MEMO1: variants seen among roughly 807,000 people sequenced by gnomAD.
MEMO1 encodes mediator of cell motility 1.
A neutral mutation model predicts 45.2 loss-of-function variants in MEMO1; 6 were observed. That is an observed-to-expected ratio of 0.13 (90% CI 0.07 to 0.26). The LOEUF is 0.26. MEMO1 is among the 10% of genes least tolerant of loss of function. The probability of loss-of-function intolerance (pLI) is 1.00; values close to 1 mark genes in which losing one functional copy is unlikely to be tolerated. For synonymous variants in MEMO1, 78 were observed against 124.3 expected (o/e 0.63, Z 2.48); for missense variants, 184 against 370.5 (o/e 0.50, Z 4.13).
chr2:31,967,682 G>A (rs1349532690), intron 2 of MEMO1, among the ~76,000 whole-genome samples: 2 of 151,942 alleles, frequency 1.3e-5, no homozygotes, highest in Non-Finnish European at 2.9e-5. Context: ...GGGCTCAAGT[G>A]ATCCATCCAG....
chr2:31,994,181 G>C (rs1440138059), intron 2 of MEMO1, among the ~76,000 whole-genome samples: 1 of 148,942 alleles, frequency 6.7e-6, no homozygotes, highest in African/African-American at 2.5e-5. Context: ...GGCTGGTCTC[G>C]AACTCCCAAC....
intron 2 of MEMO1, among the ~76,000 whole-genome samples, chr2:31,999,494 C>T (rs540096299): frequency 6.6e-6 from 1 of 152,148 alleles, no homozygotes; most frequent in Admixed American, 6.5e-5. Flanking sequence ...GAGACCCGCC[C>T]CCCCATCTCT....
chr2:32,004,071 C>G (rs1468823538), intron 2 of MEMO1, among the ~76,000 whole-genome samples: 2 of 152,134 alleles, frequency 1.3e-5, no homozygotes, highest in Non-Finnish European at 2.9e-5. Flanking sequence ...TATAATCCTA[C>G]TCAGGAAGCT....
chr2:31,890,127 T>A (rs530242098), intron 7 of MEMO1, among the ~76,000 whole-genome samples: 2 of 152,254 alleles, frequency 1.3e-5, no homozygotes, highest in South Asian at 4.1e-4. Flanking sequence ...TCTTTATTAA[T>A]GAGGTAAAAA....
chr2:31,914,949 C>T (rs1359317168), intron 6 of MEMO1, among the ~76,000 whole-genome samples: 1 of 142,814 alleles, frequency 7.0e-6, no homozygotes, highest in Non-Finnish European at 1.5e-5. Flanking sequence ...AGAATGAGAC[C>T]CTGTCTCTTT....
intron 2 of MEMO1, among the ~76,000 whole-genome samples, chr2:31,950,599 T>C (rs987165509): frequency 6.6e-6 from 1 of 151,284 alleles, no homozygotes; most frequent in African/African-American, 2.4e-5. Flanking sequence ...GGCGCACACC[T>C]GTAATCCCAG....
intron 2 of MEMO1, among the ~76,000 whole-genome samples, chr2:31,979,637 T>A (rs572228096): frequency 8.5e-5 from 13 of 152,308 alleles, no homozygotes; most frequent in Admixed American, 5.2e-4. Context: ...GCAAATGTTA[T>A]GTAATTTTAA....
intron 4 of MEMO1, among the ~76,000 whole-genome samples, chr2:31,926,343 C>A (rs1444272313): frequency 1.4e-5 from 2 of 143,540 alleles, no homozygotes; most frequent in East Asian, 4.1e-4. Flanking sequence ...TGACTCCAGA[C>A]TGGGTGACAG....
At chr2:32,003,528 A>G (rs1041364937) in intron 2 of MEMO1, among the ~76,000 whole-genome samples, 1 of 152,220 alleles carries the variant, frequency 6.6e-6, no homozygotes, top group Non-Finnish European at 1.5e-5. Context: ...TTTTCAATAT[A>G]TGTTTACTTC....
intron 2 of MEMO1, among the ~76,000 whole-genome samples, chr2:31,953,540 C>T (rs1041217444): frequency 6.6e-6 from 1 of 151,532 alleles, no homozygotes; most frequent in African/African-American, 2.4e-5. Context: ...ACTGCAACCT[C>T]CGCCTCCCGG....
chr2:31,980,351 T>C (rs1256480514), intron 2 of MEMO1, among the ~76,000 whole-genome samples: 3 of 152,166 alleles, frequency 2.0e-5, no homozygotes, highest in Non-Finnish European at 4.4e-5. Context: ...GAGGACTGCT[T>C]GAACCCAGGA....
At chr2:31,991,569 C>G (rs1238807834) in intron 2 of MEMO1, among the ~76,000 whole-genome samples, 1 of 17,496 alleles carries the variant, frequency 5.7e-5, no homozygotes, top group Non-Finnish European at 1.3e-4. Flanking sequence ...AAAACTCCGA[C>G]TCAAAAAAAA....
intron 2 of MEMO1, among the ~76,000 whole-genome samples, chr2:31,953,352 G>A (rs1457052155): frequency 5.3e-5 from 7 of 132,998 alleles, no homozygotes; most frequent in African/African-American, 2.0e-4. Context: ...GGGTGATAGA[G>A]TGAAACTCCG....
intron 2 of MEMO1, among the ~76,000 whole-genome samples, chr2:31,990,410 T>C (rs906849199): frequency 7.9e-5 from 12 of 152,114 alleles, no homozygotes; most frequent in African/African-American, 2.7e-4. Flanking sequence ...TAACAGTAAA[T>C]AACTTTGGTT....
chr2:31,885,590 C>A (rs1052628461), intron 7 of MEMO1, among the ~76,000 whole-genome samples: 11 of 152,134 alleles, frequency 7.2e-5, no homozygotes, highest in Non-Finnish European at 1.2e-4. Flanking sequence ...AAATGAACAC[C>A]TTAGACAAGA....
intron 2 of MEMO1, among the ~76,000 whole-genome samples, chr2:31,974,228 T>G (rs2148473476): frequency 6.6e-6 from 1 of 152,280 alleles, no homozygotes; most frequent in South Asian, 2.1e-4. Context: ...ATCAACAAAG[T>G]TAAATCAATT....
intron 2 of MEMO1, among the ~76,000 whole-genome samples, chr2:31,951,522 T>C (rs1216371506): frequency 9.9e-5 from 15 of 151,946 alleles, no homozygotes; most frequent in African/African-American, 3.6e-4. Flanking sequence ...TAATGGTTTT[T>C]TTTTTTTTTT....
intron 8 of MEMO1, among the ~76,000 whole-genome samples, chr2:31,873,009 T>C (rs925263323): frequency 4.6e-5 from 7 of 152,182 alleles, no homozygotes; most frequent in Non-Finnish European, 7.4e-5. Context: ...AGATTACTAT[T>C]AGGAAAATTC....
intron 3 of MEMO1, among the ~76,000 whole-genome samples, chr2:31,936,721 G>T (rs1558517129): frequency 6.6e-6 from 1 of 152,148 alleles, no homozygotes; most frequent in Non-Finnish European, 1.5e-5. Context: ...GACCTTCAGG[G>T]TCACAGGTGA....
Sources: gnomAD v4.1 joint callset for allele counts (sites outside exome capture counted in the v4.1 genomes callset) on GRCh38, gnomAD v4.1.1 for gene constraint, MANE v1.5 for transcripts, NCBI Gene and HGNC (gene_info 2026-07-23, HGNC 2026-07-21) for gene names.